The following SAMD5 variants were observed in gnomAD, a reference collection of about 807,000 sequenced individuals.
SAMD5 encodes the protein sterile alpha motif domain-containing protein 5.
A neutral mutation model predicts 11.3 loss-of-function variants in SAMD5; 13 were observed. That is an observed-to-expected ratio of 1.15 (90% CI 0.75 to 1.83). SAMD5 has a LOEUF of 1.83. Among genes scored for constraint, SAMD5 ranks in the 40% most tolerant of loss-of-function variants. The probability of loss-of-function intolerance (pLI) is 0.00; values close to 1 mark genes in which losing one functional copy is unlikely to be tolerated. For missense variants in SAMD5, 255 were observed against 239.1 expected, an observed-to-expected ratio of 1.07 and a Z score of -0.44; for synonymous variants, 129 against 111.3, an observed-to-expected ratio of 1.16 and a Z score of -1.00.
At chr6:147,805,038 T>G in the SAMD5 span, among the ~76,000 whole-genome samples, 2 of 152,226 alleles carry the variant, frequency 1.3e-5, no homozygotes, top group Admixed American at 6.5e-5. Flanking sequence ...TTGAAGGAAC[T>G]GAAACATAGA....
chr6:147,610,095 C>A (rs1295153221), intron 1 of SAMD5, among the ~76,000 whole-genome samples: 1 of 152,146 alleles, frequency 6.6e-6, no homozygotes, highest in Non-Finnish European at 1.5e-5. Context: ...ATAATTTTCT[C>A]ACTTATGAGA....
At chr6:147,869,999 G>C in the SAMD5 span, among the ~76,000 whole-genome samples, 1 of 152,104 alleles carries the variant, frequency 6.6e-6, no homozygotes, top group African/African-American at 2.4e-5. Context: ...ATAGATGTGA[G>C]CCACCACGCC....
the SAMD5 span, among the ~76,000 whole-genome samples, chr6:147,917,990 G>A: frequency 0.026 from 3,929 of 152,216 alleles, 170 homozygotes; most frequent in African/African-American, 0.09. Flanking sequence ...GTCAGGTAGC[G>A]TGATGCCTCC....
At chr6:147,895,739 A>G in the SAMD5 span, among the ~76,000 whole-genome samples, 1 of 152,206 alleles carries the variant, frequency 6.6e-6, no homozygotes, top group Non-Finnish European at 1.5e-5. Context: ...AAAGAGGCTG[A>G]CTGGTTTGAC....
intron 1 of SAMD5, among the ~76,000 whole-genome samples, chr6:147,634,635 A>T (rs1790198630): frequency 6.6e-6 from 1 of 152,210 alleles, no homozygotes; most frequent in Non-Finnish European, 1.5e-5. Flanking sequence ...GAAGCATTGA[A>T]GTTTTATCTT....
At position 147,568,341 on chromosome 6, in the gene SAMD5, G is replaced by T. The variant is rs1345810586; in HGVS notation, c.*3885G>T. 2 of 985,014 alleles carry T rather than the reference G, an allele frequency of 2.0e-6. No homozygotes were observed. The highest frequency in any genetic ancestry group is 4.7e-5 in the South Asian group (1 of 21,278). The allele number at this position is 985,014 out of a possible 1,614,324, so 61.0% of individuals were successfully genotyped here. On this transcript the variant is annotated 3_prime_UTR_variant, in exon 2 of 2. Coordinates refer to ENST00000367474, the MANE Select transcript of SAMD5 (RefSeq NM_001030060.3). Reference sequence around the variant, plus strand: ...ATTGTAACAGGTCTCTTGCACAGGGGGTTGAAAAATAAAAAAAGAAGTTAA... The same window carrying T: ...ATTGTAACAGGTCTCTTGCACAGGGTGTTGAAAAATAAAAAAAGAAGTTAA...
intron 1 of SAMD5, among the ~76,000 whole-genome samples, chr6:147,598,705 C>G (rs1341289488): frequency 6.6e-6 from 1 of 152,198 alleles, no homozygotes; most frequent in African/African-American, 2.4e-5. Flanking sequence ...TAAGAACATC[C>G]TCTTCTGTAC....
chr6:147,913,498 C>T, the SAMD5 span, among the ~76,000 whole-genome samples: 1 of 152,134 alleles, frequency 6.6e-6, no homozygotes, highest in African/African-American at 2.4e-5. Context: ...GAGTTCGAGA[C>T]TAGCCTGGCC....
the SAMD5 span, among the ~76,000 whole-genome samples, chr6:147,891,493 G>T: frequency 6.6e-6 from 1 of 152,072 alleles, no homozygotes; most frequent in Admixed American, 6.6e-5. Flanking sequence ...ATTTTAGGGG[G>T]TGGTAAGTAC....
chr6:147,589,417 T>G (rs1789422726), intron 1 of SAMD5, among the ~76,000 whole-genome samples: 1 of 152,214 alleles, frequency 6.6e-6, no homozygotes, highest in Non-Finnish European at 1.5e-5. Flanking sequence ...CTTTCTCAAA[T>G]GTGCCACAGA....
the SAMD5 span, among the ~76,000 whole-genome samples, chr6:147,806,505 C>T: frequency 6.6e-6 from 1 of 152,218 alleles, no homozygotes; most frequent in African/African-American, 2.4e-5. Flanking sequence ...AAGCTCCCGC[C>T]TACTTGCTGG....
At chr6:147,870,449 AGTGTGT>A in the SAMD5 span, among the ~76,000 whole-genome samples, 650 of 137,670 alleles carry the variant, frequency 4.7e-3, 7 homozygotes, top group African/African-American at 0.016. Context: ...TGTGTGTGTG[AGTGTGT>A]GTGTGTGTGT....
At chr6:147,619,291 T>G (rs1789921938) in intron 1 of SAMD5, among the ~76,000 whole-genome samples, 1 of 152,246 alleles carries the variant, frequency 6.6e-6, no homozygotes, top group Non-Finnish European at 1.5e-5. Flanking sequence ...ATTCTGCATT[T>G]ATAGCTGAAC....
chr6:147,599,848 G>A (rs1053570678), intron 1 of SAMD5, among the ~76,000 whole-genome samples: 11 of 152,160 alleles, frequency 7.2e-5, no homozygotes, highest in African/African-American at 2.7e-4. Context: ...GGACCAGCCT[G>A]ACCTCTGTGG....
intron 1 of SAMD5, among the ~76,000 whole-genome samples, chr6:147,725,589 G>A (rs1476004252): frequency 8.5e-5 from 13 of 152,138 alleles, no homozygotes; most frequent in African/African-American, 2.4e-4. Context: ...GGATTTCACC[G>A]TGTTGGCCAG....
chr6:147,724,061 A>G (rs76068199), intron 1 of SAMD5, among the ~76,000 whole-genome samples: 3,529 of 152,302 alleles, frequency 0.023, 135 homozygotes, highest in African/African-American at 0.08. Context: ...TTGCAGGGAA[A>G]TAATTCAACA....
chr6:147,720,638 A>G (rs1036095938), intron 1 of SAMD5, among the ~76,000 whole-genome samples: 5 of 152,166 alleles, frequency 3.3e-5, no homozygotes, highest in African/African-American at 4.8e-5. Flanking sequence ...GTGGCAGCCT[A>G]TAAATATAAT....
chr6:147,624,009 A>G (rs1398562822), intron 1 of SAMD5, among the ~76,000 whole-genome samples: 1 of 152,142 alleles, frequency 6.6e-6, no homozygotes, highest in African/African-American at 2.4e-5. Flanking sequence ...AGCTGGGATT[A>G]CAGGCGTGTG....
At chr6:147,509,605 T>C (rs1788056826) in intron 1 of SAMD5, among the ~76,000 whole-genome samples, 3 of 152,172 alleles carry the variant, frequency 2.0e-5, no homozygotes, top group Non-Finnish European at 4.4e-5. Context: ...CGCATCCAGA[T>C]GTTATCTCTA....
Sources: gnomAD v4.1 joint callset for allele counts (sites outside exome capture counted in the v4.1 genomes callset) on GRCh38, gnomAD v4.1.1 for gene constraint, MANE v1.5 for transcripts, NCBI Gene and HGNC (gene_info 2026-07-23, HGNC 2026-07-21) for gene names.